OPCML: variants seen among roughly 807,000 people sequenced by gnomAD.
OPCML encodes the protein opioid-binding protein/cell adhesion molecule.
In OPCML, 13 loss-of-function variants were observed where a neutral mutation model predicts 37.8. That is an observed-to-expected ratio of 0.34 (90% CI 0.22 to 0.55). The LOEUF (loss-of-function observed/expected upper bound fraction) is 0.55, where lower values mean the gene tolerates loss of function less well. OPCML is among the 20% of genes least tolerant of loss of function. The pLI is 0.91. For missense variants in OPCML, 341 were observed against 435.6 expected, an observed-to-expected ratio of 0.78 and a Z score of 1.93; for synonymous variants, 176 against 168.8, an observed-to-expected ratio of 1.04 and a Z score of -0.33.
intron 1 of OPCML, among the ~76,000 whole-genome samples, chr11:133,428,526 T>A (rs936943964): frequency 2.6e-5 from 4 of 152,136 alleles, no homozygotes; most frequent in African/African-American, 4.8e-5. Context: ...AATAACTATT[T>A]GAAAATAATC....
chr11:133,016,650 C>T (rs1000895264), intron 1 of OPCML, among the ~76,000 whole-genome samples: 3 of 152,120 alleles, frequency 2.0e-5, no homozygotes, highest in African/African-American at 4.8e-5. Flanking sequence ...GGAGTTAGGA[C>T]GGGCATCTTT....
intron 1 of OPCML, among the ~76,000 whole-genome samples, chr11:133,224,404 G>C (rs1373723525): frequency 1.3e-5 from 2 of 152,220 alleles, no homozygotes; most frequent in Non-Finnish European, 2.9e-5. Context: ...AGGGCAGCTG[G>C]TGGGCTTGTT....
chr11:133,236,338 G>C (rs140660269), intron 1 of OPCML, among the ~76,000 whole-genome samples: 1 of 152,136 alleles, frequency 6.6e-6, no homozygotes, highest in Non-Finnish European at 1.5e-5. Flanking sequence ...ATCATGCTAC[G>C]TAGAATCGCA....
chr11:132,951,822 G>A (rs1355890388), intron 1 of OPCML, among the ~76,000 whole-genome samples: 1 of 152,162 alleles, frequency 6.6e-6, no homozygotes, highest in African/African-American at 2.4e-5. Flanking sequence ...TGAGTTTGAA[G>A]AAGAGGCCAC....
chr11:133,273,540 C>A (rs976611732), intron 1 of OPCML, among the ~76,000 whole-genome samples: 1 of 152,142 alleles, frequency 6.6e-6, no homozygotes. Context: ...TCTCGCAGAA[C>A]CAAAGTTCAG....
chr11:133,178,463 A>G (rs1451728061), intron 1 of OPCML, among the ~76,000 whole-genome samples: 1 of 151,986 alleles, frequency 6.6e-6, no homozygotes, highest in Non-Finnish European at 1.5e-5. Flanking sequence ...GAATATATGT[A>G]TATATATTAG....
chr11:132,462,159 G>A (rs186909784), intron 4 of OPCML, among the ~76,000 whole-genome samples: 9 of 152,256 alleles, frequency 5.9e-5, no homozygotes, highest in East Asian at 1.9e-4. Context: ...GTAGCAGTAC[G>A]TGCAACTAGT....
chr11:132,766,514 C>A (rs528846278), intron 2 of OPCML, among the ~76,000 whole-genome samples: 1 of 152,184 alleles, frequency 6.6e-6, no homozygotes, highest in Non-Finnish European at 1.5e-5. Flanking sequence ...ATCAGACAAA[C>A]TCTTCTCCTG....
chr11:133,316,280 C>G (rs1943202463), intron 1 of OPCML, among the ~76,000 whole-genome samples: 1 of 152,122 alleles, frequency 6.6e-6, no homozygotes, highest in African/African-American at 2.4e-5. Flanking sequence ...AGAATATTCT[C>G]AACCATACAA....
chr11:132,995,647 T>C (rs1177427970), intron 1 of OPCML, among the ~76,000 whole-genome samples: 2 of 151,978 alleles, frequency 1.3e-5, no homozygotes, highest in African/African-American at 4.8e-5. Context: ...TAAAGACCCC[T>C]AGAAGAGTGG....
intron 2 of OPCML, among the ~76,000 whole-genome samples, chr11:132,854,507 C>A (rs1396010560): frequency 6.6e-6 from 1 of 152,178 alleles, no homozygotes; most frequent in Non-Finnish European, 1.5e-5. Flanking sequence ...CCCTGGCAAG[C>A]AGCCCCTATC....
intron 6 of OPCML, 36 bp from the exon 7 acceptor site, chr11:132,436,273 A>C (rs778181150): frequency 1.9e-6 from 3 of 1,613,948 alleles, no homozygotes; most frequent in Non-Finnish European, 2.5e-6. Context: ...AATTCATTCT[A>C]CAAAGAGGCC....
intron 4 of OPCML, among the ~76,000 whole-genome samples, chr11:132,495,332 T>A (rs1436326054): frequency 6.6e-6 from 1 of 152,210 alleles, no homozygotes; most frequent in East Asian, 1.9e-4. Flanking sequence ...AAAGAGATGT[T>A]CGAAACATAC....
chr11:132,816,214 G>C (rs1939628529), intron 2 of OPCML, among the ~76,000 whole-genome samples: 1 of 152,082 alleles, frequency 6.6e-6, no homozygotes, highest in African/African-American at 2.4e-5. Flanking sequence ...CATGATCATA[G>C]ACAAGCAGTC....
In OPCML at chr11:133,414,433, C is replaced by T. The variant is rs192030135; in HGVS notation, c.61+117831G>A. On this transcript the variant is annotated intron_variant, in intron 1 of 7. Transcript: ENST00000524381. ...GGGAAAATAACCCACGCCACAGCCT[C>T]GCCTTGCTTTCAGTCATTCTCCCAT... Among the ~76,000 whole-genome samples the T allele has an allele frequency of 6.6e-5, 10 of 152,264 alleles. No homozygotes were observed. The East Asian group carries it at 1.5e-3, about 24-fold the overall frequency.
intron 4 of OPCML, among the ~76,000 whole-genome samples, chr11:132,528,516 A>T (rs773252743): frequency 6.6e-6 from 1 of 152,170 alleles, no homozygotes; most frequent in Non-Finnish European, 1.5e-5. Context: ...TGATGTTTTC[A>T]TACCAATTAT....
At chr11:133,448,793 T>C (rs1432991572) in intron 1 of OPCML, among the ~76,000 whole-genome samples, 1 of 152,224 alleles carries the variant, frequency 6.6e-6, no homozygotes, top group Non-Finnish European at 1.5e-5. Flanking sequence ...AAGTCTTGGA[T>C]ATCATCATCT....
At chr11:132,938,078 CAAT>C (rs1945451805) in intron 2 of OPCML, among the ~76,000 whole-genome samples, 1 of 151,852 alleles carries the variant, frequency 6.6e-6, no homozygotes, top group South Asian at 2.1e-4. Flanking sequence ...ATTTTGAAGA[CAAT>C]AAAATTGTTT....
At chr11:133,082,597 G>GCCCAT (rs1948747877) in intron 1 of OPCML, among the ~76,000 whole-genome samples, 1 of 87,320 alleles carries the variant, frequency 1.1e-5, no homozygotes, top group Non-Finnish European at 2.3e-5. Flanking sequence ...CCTCCCCCTC[G>GCCCAT]CCCATCCCCC....
Sources: allele counts gnomAD v4.1 joint callset (sites outside exome capture counted in the v4.1 genomes callset), GRCh38; gene constraint gnomAD v4.1.1; transcripts MANE v1.5; gene names NCBI Gene and HGNC (gene_info 2026-07-23, HGNC 2026-07-21).